TYW1: variants seen among roughly 807,000 people sequenced by gnomAD.
The protein encoded by TYW1 is S-adenosyl-L-methionine-dependent tRNA 4-demethylwyosine synthase TYW1.
A neutral mutation model predicts 96.2 loss-of-function variants in TYW1; 46 were observed. The ratio of observed to expected loss-of-function variants is 0.48; its 90% CI spans 0.38 to 0.61. TYW1 has a LOEUF of 0.61. Among genes scored for constraint, TYW1 ranks in the 20% least tolerant of loss-of-function variants. The pLI is 0.00. For missense variants in TYW1, 684 were observed against 909.6 expected, an observed-to-expected ratio of 0.75 and a Z score of 3.19; for synonymous variants, 274 against 323.0, an observed-to-expected ratio of 0.85 and a Z score of 1.63.
At position 67,126,195 on chromosome 7, in the gene TYW1, G is replaced by T. The variant is rs559745652; in HGVS notation, c.1698+8577G>T. Among the ~76,000 whole-genome samples the T allele has an allele frequency of 6.8e-5, 10 of 148,048 alleles. No homozygotes were observed. The East Asian group carries it at 1.9e-3, about 29-fold the overall frequency. On this transcript the variant is annotated intron_variant, in intron 13 of 15. Coordinates refer to ENST00000359626, the MANE Select transcript of TYW1 (RefSeq NM_018264.4). ...GTATTCCCATGAGCAATGGATGAGA[G>T]TTCTGTCACTGTTGCTTTATTTTGC...
chr7:67,005,527 T>G (rs1415305973), intron 3 of TYW1, among the ~76,000 whole-genome samples: 2 of 152,142 alleles, frequency 1.3e-5, no homozygotes, highest in Non-Finnish European at 2.9e-5. Flanking sequence ...GCCCAGGAGG[T>G]CAAGGCTGCA....
chr7:67,038,138 TA>T, intron 7 of TYW1, among the ~76,000 whole-genome samples: 1 of 151,268 alleles, frequency 6.6e-6, no homozygotes, highest in East Asian at 2.0e-4. Context: ...CTGTCTCTAC[TA>T]AAAAAATATA....
intron 13 of TYW1, among the ~76,000 whole-genome samples, chr7:67,124,706 T>A (rs1175551824): frequency 6.6e-6 from 1 of 152,212 alleles, no homozygotes; most frequent in Non-Finnish European, 1.5e-5. Flanking sequence ...CATTATAATA[T>A]TATAATAACA....
At chr7:67,228,754 G>A (rs1039989387) in intron 15 of TYW1, among the ~76,000 whole-genome samples, 6 of 152,192 alleles carry the variant, frequency 3.9e-5, no homozygotes, top group African/African-American at 1.4e-4. Flanking sequence ...TGACTCTGCA[G>A]TATTTGTAAC....
chr7:67,059,761 T>C (rs4236210), intron 9 of TYW1, among the ~76,000 whole-genome samples: 104,377 of 151,178 alleles, frequency 0.69, 37,086 homozygotes, highest in African/African-American at 0.88. Flanking sequence ...ATCATTCATC[T>C]TGTAGTTATT....
chr7:67,171,641 A>G (rs985096172), intron 13 of TYW1, among the ~76,000 whole-genome samples: 3 of 152,086 alleles, frequency 2.0e-5, no homozygotes, highest in Admixed American at 6.6e-5. Context: ...GTTACTTCAT[A>G]TTGATGCTAT....
chr7:67,186,821 T>G (rs912250375), intron 14 of TYW1, among the ~76,000 whole-genome samples: 1 of 152,110 alleles, frequency 6.6e-6, no homozygotes, highest in African/African-American at 2.4e-5. Context: ...CAACAAAGTT[T>G]TCTTTCAAAA....
intron 13 of TYW1, among the ~76,000 whole-genome samples, chr7:67,170,649 A>G (rs2116258463): frequency 6.6e-6 from 1 of 152,272 alleles, no homozygotes; most frequent in East Asian, 1.9e-4. Flanking sequence ...TGTACCCATT[A>G]AGCAGTTACT....
chr7:67,135,302 G>GTTTTTTTTTTTTTTTTTT (rs869257148), intron 13 of TYW1, among the ~76,000 whole-genome samples: 1 of 111,816 alleles, frequency 8.9e-6, no homozygotes, highest in African/African-American at 3.8e-5. Flanking sequence ...TGTTAAAACA[G>GTTTTTTTTTTTTTTTTTT]TTTTTTTTTT....
chr7:67,112,254 A>G (rs766695396), intron 12 of TYW1, among the ~76,000 whole-genome samples: 7 of 152,178 alleles, frequency 4.6e-5, no homozygotes, highest in Non-Finnish European at 1.0e-4. Context: ...ATTTTATGGT[A>G]TATCTCCAGC....
At position 67,055,060 on chromosome 7, in the gene TYW1, G is replaced by A. The variant is rs1430795173; in HGVS notation, c.1103-775G>A. Among the ~76,000 whole-genome samples the A allele has an allele frequency of 4.6e-5, 7 of 152,164 alleles. No homozygotes were observed. In the East Asian group the frequency reaches 5.8e-4, roughly 13 times the overall value. ...CAAAGATTACTGATGATAGCTCCCC[G>A]TTCATTTGAAATATATCATTACTTT... On this transcript the variant is annotated intron_variant, in intron 8 of 15. Transcript: ENST00000359626.
intron 13 of TYW1, among the ~76,000 whole-genome samples, chr7:67,177,317 A>C (rs1345483625): frequency 1.3e-5 from 2 of 151,944 alleles, no homozygotes; most frequent in African/African-American, 2.4e-5. Context: ...ATGATCCGTT[A>C]AAGAGACACA....
chr7:67,212,399 A>G (rs569034295), intron 15 of TYW1, among the ~76,000 whole-genome samples: 2 of 151,666 alleles, frequency 1.3e-5, no homozygotes, highest in African/African-American at 2.4e-5. Context: ...TCATTCACCT[A>G]TTGAAGGACA....
intron 13 of TYW1, among the ~76,000 whole-genome samples, chr7:67,123,810 A>C (rs758491473): frequency 6.6e-6 from 1 of 152,252 alleles, no homozygotes; most frequent in Non-Finnish European, 1.5e-5. Flanking sequence ...AGTTTCCAGA[A>C]AGATTACGAA....
chr7:67,121,264 G>A (rs1480770881), intron 13 of TYW1, among the ~76,000 whole-genome samples: 5 of 152,216 alleles, frequency 3.3e-5, no homozygotes, highest in Admixed American at 1.3e-4. Flanking sequence ...GGCTGGGCGC[G>A]GTGGCTCACG....
At chr7:67,007,943 C>CT (rs562208428) in intron 3 of TYW1, among the ~76,000 whole-genome samples, 1 of 152,008 alleles carries the variant, frequency 6.6e-6, no homozygotes, top group African/African-American at 2.4e-5. Context: ...CCAACCTGTC[C>CT]TTTTTCTATA....
chr7:67,074,527 T>C (rs1051399664), intron 10 of TYW1, among the ~76,000 whole-genome samples: 1 of 152,116 alleles, frequency 6.6e-6, no homozygotes, highest in Non-Finnish European at 1.5e-5. Context: ...TTTAGAAAGA[T>C]CTAAGTAAAT....
At chr7:67,112,407 G>A (rs13229439) in intron 12 of TYW1, among the ~76,000 whole-genome samples, 1 of 151,978 alleles carries the variant, frequency 6.6e-6, no homozygotes, top group African/African-American at 2.4e-5. Context: ...CCTGAGGCCA[G>A]GAATTTAAGA....
Position 67,098,529 on chromosome 7 carries a change from T to C in TYW1, c.1385-12T>C, listed in dbSNP as rs1796988690. 1 of 1,554,232 alleles carries C rather than the reference T, an allele frequency of 6.4e-7. No individual in the cohort carries two copies. ...CCTTATGTAGCTGGGTCCTTCTCAC[T>C]GTATTCTCCAGGAGTACCGGGCGTC... On this transcript the variant is annotated splice_polypyrimidine_tract_variant and intron_variant, in intron 11 of 15. Transcript: ENST00000359626.
Sources: allele counts gnomAD v4.1 joint callset (sites outside exome capture counted in the v4.1 genomes callset), GRCh38; gene constraint gnomAD v4.1.1; transcripts MANE v1.5; gene names NCBI Gene and HGNC (gene_info 2026-07-23, HGNC 2026-07-21).